Variants in GABRB1 observed in about 807,000 individuals in gnomAD.
GABRB1 encodes the protein gamma-aminobutyric acid receptor subunit beta-1.
Under a neutral mutation model 51.6 loss-of-function variants are expected in GABRB1, and 17 were observed. The observed-to-expected ratio is 0.33, with a 90% CI of 0.23 to 0.49. GABRB1 has a LOEUF of 0.49. Ranked by LOEUF, GABRB1 falls within the 20% of genes least tolerant of loss-of-function variation. GABRB1 has a pLI of 0.99. For synonymous variants in GABRB1, 247 were observed against 218.9 expected (o/e 1.13, Z -1.14); for missense variants, 410 against 600.6 (o/e 0.68, Z 3.32).
rs182411829 is a variant in GABRB1, at chr4:47,127,347, C to T, written c.241-33902C>T. 4.6e-5 allele frequency among the ~76,000 whole-genome samples: 7 copies of T among 151,290 alleles called. No homozygotes were observed. The East Asian group carries it at 7.8e-4, about 17-fold the overall frequency. On this transcript the variant is annotated intron_variant, in intron 3 of 8. Coordinates refer to ENST00000295454, the MANE Select transcript of GABRB1 (RefSeq NM_000812.4). ...GTGTGTAGATACACACATATATGTA[C>T]GTATGCATACATATCTGAAATTGTT...
At chr4:47,001,811 A>G (rs1724230893) in intron 1 of GABRB1, among the ~76,000 whole-genome samples, 1 of 152,224 alleles carries the variant, frequency 6.6e-6, no homozygotes, top group East Asian at 1.9e-4. Flanking sequence ...GTACGGGGAT[A>G]TAAAATTAAA....
intron 5 of GABRB1, among the ~76,000 whole-genome samples, chr4:47,365,627 T>G (rs1228089847): frequency 6.6e-6 from 1 of 152,138 alleles, no homozygotes; most frequent in African/African-American, 2.4e-5. Flanking sequence ...ATGGGCTTGT[T>G]TACTCCGTGT....
intron 5 of GABRB1, among the ~76,000 whole-genome samples, chr4:47,321,954 C>A (rs1725099949): frequency 6.6e-6 from 1 of 152,088 alleles, no homozygotes; most frequent in Admixed American, 6.6e-5. Flanking sequence ...TCCCAAAATG[C>A]ATATTTTATT....
At chr4:47,196,550 TC>T (rs1291368891) in intron 4 of GABRB1, among the ~76,000 whole-genome samples, 3 of 152,134 alleles carry the variant, frequency 2.0e-5, no homozygotes, top group African/African-American at 7.2e-5. Flanking sequence ...GATTTTTCCC[TC>T]CCTGAACAAG....
At chr4:47,367,324 G>A (rs1433870606) in intron 5 of GABRB1, among the ~76,000 whole-genome samples, 1 of 152,144 alleles carries the variant, frequency 6.6e-6, no homozygotes. Flanking sequence ...ACTTTAGAAA[G>A]CTACCATGTC....
At chr4:47,106,922 A>G (rs564056169) in intron 3 of GABRB1, among the ~76,000 whole-genome samples, 6 of 152,176 alleles carry the variant, frequency 3.9e-5, no homozygotes, top group Admixed American at 3.3e-4. Flanking sequence ...TCTATGGGTA[A>G]CTGCTTCTCA....
At chr4:47,139,061 A>T (rs1329678503) in intron 3 of GABRB1, among the ~76,000 whole-genome samples, 1 of 151,962 alleles carries the variant, frequency 6.6e-6, no homozygotes, top group African/African-American at 2.4e-5. Flanking sequence ...CACCTTCTTC[A>T]TCTCCTTCTG....
chr4:47,010,274 A>G (rs763411885), intron 1 of GABRB1, among the ~76,000 whole-genome samples: 1 of 152,254 alleles, frequency 6.6e-6, no homozygotes, highest in Non-Finnish European at 1.5e-5. Context: ...CTGAGCAACA[A>G]ACTATAATAA....
intron 3 of GABRB1, among the ~76,000 whole-genome samples, chr4:47,094,246 G>A (rs1287925406): frequency 2.1e-5 from 1 of 47,268 alleles, no homozygotes; most frequent in Non-Finnish European, 4.5e-5. Flanking sequence ...TTTTTTTTTT[G>A]ACAGAGTCTT....
chr4:47,147,244 T>A (rs977477853), intron 3 of GABRB1, among the ~76,000 whole-genome samples: 20 of 151,860 alleles, frequency 1.3e-4, no homozygotes, highest in Non-Finnish European at 2.6e-4. Flanking sequence ...CTTTTCTTCA[T>A]CTCCCATATC....
chr4:47,070,666 T>C (rs750774534), intron 3 of GABRB1, among the ~76,000 whole-genome samples: 7 of 152,204 alleles, frequency 4.6e-5, no homozygotes, highest in Admixed American at 6.5e-5. Context: ...TGTCTATTTG[T>C]TATCCAAAAT....
chr4:47,041,225 AC>A (rs1725823168), intron 3 of GABRB1, among the ~76,000 whole-genome samples: 1 of 152,118 alleles, frequency 6.6e-6, no homozygotes, highest in Non-Finnish European at 1.5e-5. Flanking sequence ...GACTCTCAGG[AC>A]CTTTGCACAA....
chr4:47,232,574 C>G (rs1421398336), intron 4 of GABRB1, among the ~76,000 whole-genome samples: 1 of 152,124 alleles, frequency 6.6e-6, no homozygotes, highest in African/African-American at 2.4e-5. Flanking sequence ...TACAGTATCT[C>G]CATCTGGATG....
intron 1 of GABRB1, among the ~76,000 whole-genome samples, chr4:47,015,853 A>G (rs1053700418): frequency 2.6e-5 from 4 of 152,242 alleles, no homozygotes; most frequent in Non-Finnish European, 5.9e-5. Flanking sequence ...ATCCTACAGC[A>G]TACCAGGATT....
At chr4:47,299,486 A>G (rs551369308) in intron 4 of GABRB1, among the ~76,000 whole-genome samples, 2,130 of 152,304 alleles carry the variant, frequency 0.014, 19 homozygotes, top group Non-Finnish European at 0.022. Context: ...AACACATGAA[A>G]AAATGCTCAT....
chr4:47,291,171 T>A (rs1360092140), intron 4 of GABRB1, among the ~76,000 whole-genome samples: 1 of 152,096 alleles, frequency 6.6e-6, no homozygotes, highest in Non-Finnish European at 1.5e-5. Flanking sequence ...TCCCAGCCAC[T>A]CCAGCCATGA....
intron 4 of GABRB1, among the ~76,000 whole-genome samples, chr4:47,182,963 A>G (rs908175580): frequency 6.6e-6 from 1 of 151,880 alleles, no homozygotes; most frequent in Non-Finnish European, 1.5e-5. Context: ...TTATTCATTT[A>G]TTCAGGCTCT....
chr4:47,298,684 A>G lies in GABRB1; in HGVS notation c.462-21443A>G, dbSNP rs569755434. The stretch of plus-strand genomic sequence containing the variant: ...CTGCCCAAGGTAATTTATAGGTTCA[A>G]TGCCATCCCCATTAAGCTACCAATG... On this transcript the variant is annotated intron_variant, in intron 4 of 8. Transcript: ENST00000295454. Among the ~76,000 whole-genome samples, 111 of 152,358 alleles carry G rather than the reference A, an allele frequency of 7.3e-4. 1 individual carries two copies. The highest frequency in any genetic ancestry group is 1.0e-3 in the Non-Finnish European group (71 of 68,044).
At chr4:47,163,440 C>T (rs1718047419) in intron 4 of GABRB1, among the ~76,000 whole-genome samples, 1 of 152,024 alleles carries the variant, frequency 6.6e-6, no homozygotes, top group Non-Finnish European at 1.5e-5. Flanking sequence ...ATCTGCCACA[C>T]ACTCACTATT....
Sources: allele counts gnomAD v4.1 joint callset (sites outside exome capture counted in the v4.1 genomes callset), GRCh38; gene constraint gnomAD v4.1.1; transcripts MANE v1.5; gene names NCBI Gene and HGNC (gene_info 2026-07-23, HGNC 2026-07-21).